Variants in MTMR8 observed in about 807,000 individuals in gnomAD.
The protein encoded by MTMR8 is myotubularin related protein 8.
MTMR8 carries 65 observed loss-of-function variants against 39.3 expected under a neutral mutation model. The ratio of observed to expected loss-of-function variants is 1.65; its 90% confidence interval spans 1.35 to 2.03. The LOEUF is 2.03. MTMR8 is among the 30% of genes most tolerant of loss of function. The probability of loss-of-function intolerance (pLI) is 0.00; values close to 1 mark genes in which losing one functional copy is unlikely to be tolerated. For synonymous variants in MTMR8, 245 were observed against 185.2 expected, an observed-to-expected ratio of 1.32 and a Z score of -2.62; for missense variants, 777 against 538.9, an observed-to-expected ratio of 1.44 and a Z score of -4.37.
intron 12 of MTMR8, among the ~76,000 whole-genome samples, chrX:64,297,234 C>G (rs1365794516): frequency 1.0e-5 from 1 of 100,142 alleles, no homozygotes; most frequent in Non-Finnish European, 2.0e-5. Flanking sequence ...ACATCCTCTC[C>G]AGCACCTGTT....
intron 12 of MTMR8, among the ~76,000 whole-genome samples, chrX:64,312,992 C>T (rs777567583): frequency 8.9e-6 from 1 of 112,075 alleles, no homozygotes; most frequent in East Asian, 2.8e-4. Flanking sequence ...AGAGCACAGG[C>T]AGAATAGATT....
At position 64,268,622 on chromosome X, in the gene MTMR8, C is replaced by A. The variant is rs1271454325; in HGVS notation, c.2030G>T (p.Gly677Val). The A allele has an allele frequency of 1.7e-6, 2 of 1,211,546 alleles. No homozygotes were observed. The highest frequency in any genetic ancestry group is 1.1e-6 in the Non-Finnish European group (1 of 895,456). ...CAAGATGCCCATGTCCCCAGAGAAA[C>A]CCCTGGCCTCAGAAATACCCAAGTT... ...SGNLGISEAR[G>V]FSGDMGILGD... The change falls in exon 14 of 14, where the codon GGT becomes GTT. Residue 677 changes from glycine to valine, a missense_variant. By Grantham distance (109) the Gly-to-Val change is moderately radical (BLOSUM62 -3). Transcript: ENST00000374852.
intron 5 of MTMR8, among the ~76,000 whole-genome samples, chrX:64,349,052 T>C (rs191216305): frequency 9.0e-6 from 1 of 111,702 alleles, no homozygotes; most frequent in East Asian, 2.8e-4. Context: ...TCATGAGTAT[T>C]TCCTTAGTGA....
chrX:64,286,476 T>A (rs752915394), intron 12 of MTMR8, among the ~76,000 whole-genome samples: 161 of 111,874 alleles, frequency 1.4e-3, no homozygotes, highest in African/African-American at 5.1e-3. Context: ...GCCAGCATCA[T>A]CCTGATATCA....
chrX:64,326,532 G>C (rs1202292471), intron 12 of MTMR8, among the ~76,000 whole-genome samples: 1 of 111,213 alleles, frequency 9.0e-6, no homozygotes. Context: ...CATTGATGGA[G>C]GAAATTGAAG....
chrX:64,386,874 T>C (rs1461628374), intron 1 of MTMR8, among the ~76,000 whole-genome samples: 20 of 106,637 alleles, frequency 1.9e-4, no homozygotes, highest in Non-Finnish European at 3.1e-4. Context: ...TGAGACCTCA[T>C]ATCTACAAAA....
At chrX:64,373,257 T>C (rs1924175124) in intron 1 of MTMR8, among the ~76,000 whole-genome samples, 1 of 111,656 alleles carries the variant, frequency 9.0e-6, no homozygotes, top group Non-Finnish European at 1.9e-5. Flanking sequence ...TTGTGTCCTT[T>C]CCCAAATCCT....
intron 12 of MTMR8, among the ~76,000 whole-genome samples, chrX:64,275,683 G>A (rs1253108047): frequency 9.5e-6 from 1 of 104,855 alleles, no homozygotes; most frequent in Non-Finnish European, 2.0e-5. Context: ...AAACTAAGAA[G>A]TGTTTATTTT....
chrX:64,318,525 G>C (rs188425996), intron 12 of MTMR8, among the ~76,000 whole-genome samples: 5 of 110,748 alleles, frequency 4.5e-5, no homozygotes, highest in African/African-American at 9.9e-5. Context: ...ACTCACAATC[G>C]TGTTGTTCCT....
intron 12 of MTMR8, among the ~76,000 whole-genome samples, chrX:64,296,699 T>G (rs1443343154): frequency 2.1e-4 from 23 of 108,066 alleles, no homozygotes; most frequent in Non-Finnish European, 4.2e-4. Flanking sequence ...CATCTAGCAT[T>G]AGGTATATCT....
intron 12 of MTMR8, among the ~76,000 whole-genome samples, chrX:64,308,885 T>C (rs1019201757): frequency 8.9e-6 from 1 of 112,023 alleles, no homozygotes; most frequent in Non-Finnish European, 1.9e-5. Context: ...ATTGTCTTTG[T>C]TCCTTTGTCA....
chrX:64,342,108 G>A (rs897782594), intron 8 of MTMR8, among the ~76,000 whole-genome samples: 4 of 112,081 alleles, frequency 3.6e-5, no homozygotes, highest in African/African-American at 1.3e-4. Context: ...TGAGTTTAAA[G>A]TGACATGATC....
Position 64,350,794 on chromosome X carries a change from CT to C in MTMR8, c.469-725del, listed in dbSNP as rs752531435. Among the ~76,000 whole-genome samples the C allele has an allele frequency of 3.7e-4, 41 of 111,248 alleles. No homozygotes were observed. In the South Asian group the frequency reaches 0.012, roughly 31 times the overall value. ...TGACATATTTTCTCAAGTTTATCAG[CT>C]TTTAGTGGTTACCAAAATACATATT... On this transcript the variant is annotated intron_variant, in intron 4 of 13. Coordinates refer to ENST00000374852, the MANE Select transcript of MTMR8 (RefSeq NM_017677.4).
intron 1 of MTMR8, among the ~76,000 whole-genome samples, chrX:64,368,218 G>T (rs1190449427): frequency 9.0e-6 from 1 of 111,022 alleles, no homozygotes; most frequent in Middle Eastern, 4.6e-3. Flanking sequence ...TCCCCATCAA[G>T]ATACCAATTA....
intron 7 of MTMR8, 47 bp downstream of exon 7, chrX:64,344,994 TGATA>T: frequency 4.2e-6 from 5 of 1,181,349 alleles, no homozygotes; most frequent in Non-Finnish European, 5.7e-6. Context: ...TCTGCTTACA[TGATA>T]ACGCAAAGCT....
At chrX:64,311,441 G>C (rs1182214301) in intron 12 of MTMR8, among the ~76,000 whole-genome samples, 1 of 111,227 alleles carries the variant, frequency 9.0e-6, no homozygotes, top group Non-Finnish European at 1.9e-5. Context: ...CCATTCTGTA[G>C]GTTGCCTGTT....
At chrX:64,338,632 G>A (rs1923137386) in intron 8 of MTMR8, among the ~76,000 whole-genome samples, 2 of 112,239 alleles carry the variant, frequency 1.8e-5, no homozygotes, top group Non-Finnish European at 3.8e-5. Flanking sequence ...GTTGGAAGCA[G>A]AGGAGTGCCA....
rs1368376520 is a variant in MTMR8 at position 64,301,135 on chromosome X, T to C, written c.1481+27637A>G. Among the ~76,000 whole-genome samples, 48 of 108,942 alleles carry C rather than the reference T, an allele frequency of 4.4e-4. No individual in the cohort carries two copies. In the East Asian group the frequency reaches 0.012, roughly 26 times the overall value. The allele number at this position is 108,942 out of a possible 115,157, so 94.6% of individuals were successfully genotyped here. On this transcript the variant is annotated intron_variant, in intron 12 of 13. Transcript: ENST00000374852. ...CTGAACGTTGGCCTGCCTTGCTAGA[T>C]TGGGGAAGTTCTCCTGGATAATATC...
At chrX:64,346,281 G>T (rs1923348402) in intron 6 of MTMR8, among the ~76,000 whole-genome samples, 1 of 110,997 alleles carries the variant, frequency 9.0e-6, no homozygotes, top group African/African-American at 3.3e-5. Context: ...TGTATTAAAA[G>T]AATACAAAAA....
Sources: allele counts gnomAD v4.1 joint callset (sites outside exome capture counted in the v4.1 genomes callset), GRCh38; gene constraint gnomAD v4.1.1; transcripts MANE v1.5; gene names NCBI Gene and HGNC (gene_info 2026-07-23, HGNC 2026-07-21).